The following DNAH5 variants were observed in gnomAD, a reference collection of about 807,000 sequenced individuals.
The protein encoded by DNAH5 is dynein axonemal heavy chain 5.
DNAH5 carries 372 observed loss-of-function variants against 518.2 expected under a neutral mutation model. The ratio of observed to expected loss-of-function variants is 0.72; its 90% CI spans 0.66 to 0.78. The LOEUF (loss-of-function observed/expected upper bound fraction) is 0.78. Among genes scored for constraint, DNAH5 ranks in the 30% least tolerant of loss-of-function variants. The probability of loss-of-function intolerance (pLI) is 0.00; values close to 1 mark genes in which losing one functional copy is unlikely to be tolerated. For synonymous variants in DNAH5, 2,039 were observed against 2,025.9 expected (o/e 1.01, Z -0.17); for missense variants, 5,523 against 5,687.0 (o/e 0.97, Z 0.93).
intron 12 of DNAH5, among the ~76,000 whole-genome samples, chr5:13,905,624 C>G (rs971095861): frequency 6.6e-6 from 1 of 152,014 alleles, no homozygotes; most frequent in African/African-American, 2.4e-5. Context: ...ACACCAAATG[C>G]TGGTGAGGAT....
intron 4 of DNAH5, among the ~76,000 whole-genome samples, chr5:13,922,565 A>G (rs1777428141): frequency 6.6e-6 from 1 of 151,744 alleles, no homozygotes; most frequent in Non-Finnish European, 1.5e-5. Flanking sequence ...CATCTCTACT[A>G]AACATACAAA....
chr5:13,969,094 T>C (rs1244684152), intron 1 of DNAH5, among the ~76,000 whole-genome samples: 3 of 152,304 alleles, frequency 2.0e-5, no homozygotes, highest in Middle Eastern at 3.4e-3. Context: ...GGTTTTCTAG[T>C]TTGTGTGCAT....
At chr5:13,866,928 A>G (rs1769336872) in intron 25 of DNAH5, among the ~76,000 whole-genome samples, 1 of 152,284 alleles carries the variant, frequency 6.6e-6, no homozygotes, top group South Asian at 2.1e-4. Context: ...ACTTAAACCT[A>G]TATGGATAAT....
At chr5:13,778,556 AAG>A (rs1277848217) in intron 53 of DNAH5, among the ~76,000 whole-genome samples, 2 of 63,818 alleles carry the variant, frequency 3.1e-5, no homozygotes, top group Admixed American at 1.4e-4. Context: ...GAAAGAAAGA[AAG>A]AAAGAAAGAA....
At chr5:13,735,076 C>T (rs765777227) in intron 68 of DNAH5, 55 bp downstream of exon 68, 24 of 1,560,372 alleles carry the variant, frequency 1.5e-5, no homozygotes, top group Non-Finnish European at 2.0e-5. Flanking sequence ...AAAGGGCTTT[C>T]ACAATAACTC....
At chr5:13,919,047 T>C in intron 7 of DNAH5, 129 bp downstream of exon 7, 1 of 1,150,820 alleles carries the variant, frequency 8.7e-7, no homozygotes, top group Non-Finnish European at 1.3e-6. Flanking sequence ...AGGGAAGTAT[T>C]ATGTAATTTT....
chr5:13,713,648 A>C (rs1287693728), intron 75 of DNAH5, among the ~76,000 whole-genome samples: 1 of 149,820 alleles, frequency 6.7e-6, no homozygotes, highest in African/African-American at 2.5e-5. Flanking sequence ...ATGAGGACGC[A>C]AAGGCATAAG....
At chr5:13,971,709 C>T (rs1781884056) in intron 1 of DNAH5, among the ~76,000 whole-genome samples, 2 of 152,122 alleles carry the variant, frequency 1.3e-5, no homozygotes, top group South Asian at 4.1e-4. Context: ...TGTGAGGGTC[C>T]TTGATGGTAG....
intron 55 of DNAH5, among the ~76,000 whole-genome samples, chr5:13,775,247 G>T (rs1212430898): frequency 6.6e-6 from 1 of 150,720 alleles, no homozygotes; most frequent in African/African-American, 2.4e-5. Flanking sequence ...GAACTGTGCT[G>T]TAAATTTATA....
intron 18 of DNAH5, 119 bp from the exon 19 acceptor site, chr5:13,885,347 C>G: frequency 1.6e-6 from 2 of 1,261,784 alleles, no homozygotes; most frequent in Non-Finnish European, 2.2e-6. Flanking sequence ...AAATTACATG[C>G]AAGTTTAGTA....
chr5:13,906,743 A>G (rs1197911055), intron 12 of DNAH5, among the ~76,000 whole-genome samples: 1 of 152,222 alleles, frequency 6.6e-6, no homozygotes, highest in Non-Finnish European at 1.5e-5. Flanking sequence ...AAAATAACAA[A>G]TCATAACAAA....
intron 19 of DNAH5, among the ~76,000 whole-genome samples, chr5:13,884,588 A>C (rs551786214): frequency 6.6e-6 from 1 of 152,304 alleles, no homozygotes. Context: ...TGTAATCCCA[A>C]CACTTTGGGA....
At chr5:13,853,739 T>A (rs1203447996) in intron 30 of DNAH5, among the ~76,000 whole-genome samples, 1 of 151,472 alleles carries the variant, frequency 6.6e-6, no homozygotes, top group East Asian at 2.0e-4. Flanking sequence ...GAAGTATCAA[T>A]ACCCAAATTG....
upstream of DNAH5, among the ~76,000 whole-genome samples, chr5:13,949,396 A>C (rs1780189987): frequency 6.6e-6 from 1 of 152,240 alleles, no homozygotes; most frequent in Non-Finnish European, 1.5e-5. Context: ...TTGATGCCAT[A>C]ATCATTTGAG....
intron 40 of DNAH5, among the ~76,000 whole-genome samples, chr5:13,821,501 C>G (rs1287885928): frequency 1.3e-5 from 2 of 152,054 alleles, no homozygotes; most frequent in Admixed American, 6.5e-5. Context: ...TAACATCTTC[C>G]TTTTACAGAT....
rs554188303 is a variant in DNAH5 at position 13,807,666 on chromosome 5, C to T, written c.7812G>A (p.Met2604Ile). ...TAKTVIIKGF[M>I]SKYDPECHMI... Reference sequence around the variant, plus strand: ...TGTGACATTCAGGATCATATTTTGACATAAATCCTTTAATTATTACTGTTT... The same window carrying T: ...TGTGACATTCAGGATCATATTTTGATATAAATCCTTTAATTATTACTGTTT... The change falls in exon 47 of 79, where the codon ATG (methionine) becomes ATA (isoleucine). Residue 2604 changes from methionine (M) to isoleucine (I), a missense_variant. This residue lies in a region of DNAH5 where 5,121 missense variants were observed against 5,223.3 expected (regional missense o/e 0.98). Coordinates refer to ENST00000265104, the MANE Select transcript of DNAH5 (RefSeq NM_001369.3). 1.9e-6 allele frequency: 3 copies of T among 1,611,104 alleles called. No homozygotes were observed. Among genetic ancestry groups the T allele is most frequent in the Non-Finnish European group, 2.5e-6 (3 of 1,178,074 alleles).
intron 19 of DNAH5, among the ~76,000 whole-genome samples, chr5:13,883,974 T>A (rs1456460220): frequency 6.6e-6 from 1 of 152,180 alleles, no homozygotes; most frequent in Non-Finnish European, 1.5e-5. Flanking sequence ...TATTATCCTA[T>A]TATTTCAGTT....
intron 61 of DNAH5, among the ~76,000 whole-genome samples, chr5:13,756,230 C>T (rs1484188269): frequency 6.6e-6 from 1 of 152,214 alleles, no homozygotes; most frequent in African/African-American, 2.4e-5. Context: ...AACCCTTCTG[C>T]TTTCTGGGAG....
chr5:13,956,621 T>C (rs1409126449), intron 1 of DNAH5, among the ~76,000 whole-genome samples: 4 of 152,230 alleles, frequency 2.6e-5, no homozygotes, highest in African/African-American at 7.2e-5. Flanking sequence ...ACTCTGCCCA[T>C]GCGTGCCCCT....
Sources: gnomAD v4.1 joint callset for allele counts (sites outside exome capture counted in the v4.1 genomes callset) on GRCh38, gnomAD v4.1.1 for gene constraint, gnomAD v4.1.1 regional missense constraint, MANE v1.5 for transcripts, NCBI Gene and HGNC (gene_info 2026-07-23, HGNC 2026-07-21) for gene names.